GHR: variants seen among roughly 807,000 people sequenced by gnomAD.
GHR encodes growth hormone receptor.
Under a neutral mutation model 67.1 loss-of-function variants are expected in GHR, and 35 were observed. The observed-to-expected ratio is 0.52, with a 90% CI of 0.40 to 0.69. The LOEUF (loss-of-function observed/expected upper bound fraction) is 0.69. Among genes scored for constraint, GHR ranks in the 30% least tolerant of loss-of-function variants. The pLI, the probability that GHR is intolerant of heterozygous loss-of-function variation, is 0.00. For missense variants in GHR, 792 were observed against 764.6 expected (o/e 1.04, Z -0.42); for synonymous variants, 272 against 269.1 (o/e 1.01, Z -0.10).
chr5:42,555,700 T>A (rs927235228), intron 1 of GHR, among the ~76,000 whole-genome samples: 1 of 152,128 alleles, frequency 6.6e-6, no homozygotes, highest in African/African-American at 2.4e-5. Flanking sequence ...CACACTTATT[T>A]TTTGGGTAGA....
chr5:42,584,260 G>A (rs1228169664), intron 2 of GHR, among the ~76,000 whole-genome samples: 2 of 152,156 alleles, frequency 1.3e-5, no homozygotes, highest in Non-Finnish European at 2.9e-5. Flanking sequence ...TATAGCAAAA[G>A]TCATTCAGCT....
chr5:42,589,099 T>G (rs1388224886), intron 2 of GHR, among the ~76,000 whole-genome samples: 3 of 152,230 alleles, frequency 2.0e-5, no homozygotes, highest in African/African-American at 7.2e-5. Flanking sequence ...AGTGACCTGT[T>G]GTTTCCTTTC....
At chr5:42,712,958 T>C (rs1158048134) in intron 7 of GHR, among the ~76,000 whole-genome samples, 2 of 151,868 alleles carry the variant, frequency 1.3e-5, no homozygotes, top group African/African-American at 4.8e-5. Flanking sequence ...TCATGATTTA[T>C]CAATAAAAAC....
chr5:42,483,826 C>T (rs1360654256), intron 1 of GHR, among the ~76,000 whole-genome samples: 8 of 152,204 alleles, frequency 5.3e-5, no homozygotes, highest in Admixed American at 2.0e-4. Flanking sequence ...AAATCAAGCA[C>T]TCTCATTCTG....
intron 1 of GHR, among the ~76,000 whole-genome samples, chr5:42,426,750 A>C (rs1384584584): frequency 6.6e-6 from 1 of 152,186 alleles, no homozygotes; most frequent in Non-Finnish European, 1.5e-5. Context: ...GACAGTACAG[A>C]ATGTCTTTCT....
At chr5:42,574,356 C>G (rs1479612176) in intron 2 of GHR, among the ~76,000 whole-genome samples, 2 of 152,176 alleles carry the variant, frequency 1.3e-5, no homozygotes, top group Non-Finnish European at 2.9e-5. Flanking sequence ...ATCATGGTGC[C>G]CAACTTTCTT....
chr5:42,547,205 T>C (rs1363348868), intron 1 of GHR, among the ~76,000 whole-genome samples: 1 of 152,244 alleles, frequency 6.6e-6, no homozygotes, highest in African/African-American at 2.4e-5. Flanking sequence ...CAGTATGGTT[T>C]ATTGCATATA....
chr5:42,675,561 G>A (rs535490634), intron 3 of GHR, among the ~76,000 whole-genome samples: 93 of 152,304 alleles, frequency 6.1e-4, no homozygotes, highest in African/African-American at 2.1e-3. Context: ...TTGTGAAAGC[G>A]AAAGGAAAGA....
chr5:42,571,449 T>G (rs1355393298), intron 2 of GHR, among the ~76,000 whole-genome samples: 2 of 152,186 alleles, frequency 1.3e-5, no homozygotes, highest in East Asian at 3.9e-4. Context: ...CCCCAGATAT[T>G]TTGTCATTGC....
intron 3 of GHR, among the ~76,000 whole-genome samples, chr5:42,673,693 T>C (rs1756430174): frequency 6.6e-6 from 1 of 152,152 alleles, no homozygotes; most frequent in Non-Finnish European, 1.5e-5. Flanking sequence ...ATACTGCATG[T>C]TTTTACTTAT....
chr5:42,578,738 AG>A (rs912706407), intron 2 of GHR, among the ~76,000 whole-genome samples: 28 of 152,188 alleles, frequency 1.8e-4, no homozygotes, highest in Non-Finnish European at 2.9e-4. Flanking sequence ...GTCATTTCTC[AG>A]GGACACTACT....
At chr5:42,635,243 T>C (rs1435847725) in intron 3 of GHR, among the ~76,000 whole-genome samples, 1 of 152,164 alleles carries the variant, frequency 6.6e-6, no homozygotes, top group Non-Finnish European at 1.5e-5. Flanking sequence ...TAAGCACTAA[T>C]CTCCAGATAA....
intron 2 of GHR, among the ~76,000 whole-genome samples, chr5:42,611,960 C>T (rs1752912538): frequency 6.6e-6 from 1 of 152,156 alleles, no homozygotes; most frequent in African/African-American, 2.4e-5. Flanking sequence ...TGTCTCCAAT[C>T]AGACTATAAG....
chr5:42,679,186 A>G (rs1033580382), intron 3 of GHR, among the ~76,000 whole-genome samples: 1 of 143,766 alleles, frequency 7.0e-6, no homozygotes, highest in Non-Finnish European at 1.5e-5. Flanking sequence ...TATATTGTAT[A>G]TTATATATTA....
chr5:42,602,835 T>A (rs1025561348), intron 2 of GHR, among the ~76,000 whole-genome samples: 4 of 152,214 alleles, frequency 2.6e-5, no homozygotes, highest in African/African-American at 9.6e-5. Flanking sequence ...CTGTTTATAT[T>A]GTGTATGTAG....
At chr5:42,514,220 A>C in intron 1 of GHR, 1 of 985,372 alleles carries the variant, frequency 1.0e-6, no homozygotes, top group Non-Finnish European at 1.2e-6. Flanking sequence ...TCTGGGTGCA[A>C]GTCCACAGGC....
chr5:42,561,131 G>A lies in GHR; in HGVS notation c.-11-4733G>A, dbSNP rs543600671. Among the ~76,000 whole-genome samples the A allele has an allele frequency of 2.6e-5, 4 of 152,266 alleles. No individual in the cohort carries two copies. The South Asian group carries it at 8.3e-4, about 32-fold the overall frequency. ...CTCATATCCAGAACATTTGCTCTGA[G>A]CTTTTACCATACAAGTTCACCACAG... is the stretch of plus-strand genomic sequence containing the variant. On this transcript the variant is annotated intron_variant, in intron 1 of 9. Transcript: ENST00000230882.
intron 3 of GHR, among the ~76,000 whole-genome samples, chr5:42,673,410 A>G (rs1756415637): frequency 6.6e-6 from 1 of 152,174 alleles, no homozygotes; most frequent in Non-Finnish European, 1.5e-5. Flanking sequence ...CACTGGGTAT[A>G]TATCCAAAAG....
chr5:42,424,886 G>C lies in GHR; in HGVS notation c.-12+931G>C, dbSNP rs1478906049. 1.0e-5 allele frequency: 5 copies of C among 490,624 alleles called. No homozygotes were observed. Among genetic ancestry groups the C allele is most frequent in the African/African-American group, 4.2e-5 (2 of 47,920 alleles). 30.4% of individuals were successfully genotyped at this position (490,624 alleles called of 1,614,324 possible). On this transcript the variant is annotated intron_variant, in intron 1 of 9. Transcript: ENST00000230882. The surrounding 1 kb of genome is among the most constrained non-coding windows in gnomAD (Gnocchi z 4.1). ...CTGGCGCGGACTGTGTGTCCTGAAT[G>C]AGTGTACGTGTGCGCTGTGTGTGCG...
Sources: gnomAD v4.1 joint callset for allele counts (sites outside exome capture counted in the v4.1 genomes callset) on GRCh38, gnomAD v4.1.1 for gene constraint, Gnocchi (gnomAD v3.1) non-coding constraint, MANE v1.5 for transcripts, NCBI Gene and HGNC (gene_info 2026-07-23, HGNC 2026-07-21) for gene names.